Variants in MNAT1 observed in about 807,000 individuals in gnomAD.
MNAT1 encodes CDK-activating kinase assembly factor MAT1.
A neutral mutation model predicts 42.0 loss-of-function variants in MNAT1; 43 were observed. That is an observed-to-expected ratio of 1.02 (90% CI 0.80 to 1.32). MNAT1 has a LOEUF of 1.32. MNAT1 is among the 40% of genes most tolerant of loss of function. MNAT1 has a pLI of 0.00. For synonymous variants in MNAT1, 118 were observed against 120.0 expected (o/e 0.98, Z 0.11); for missense variants, 306 against 350.4 (o/e 0.87, Z 1.01).
intron 6 of MNAT1, among the ~76,000 whole-genome samples, chr14:60,848,128 T>G (rs2033726811): frequency 1.3e-5 from 2 of 152,196 alleles, no homozygotes; most frequent in African/African-American, 4.8e-5. Flanking sequence ...AGTCTTTACC[T>G]GGGAATGTCT....
At chr14:60,765,223 C>T (rs2030766364) in intron 1 of MNAT1, among the ~76,000 whole-genome samples, 1 of 152,082 alleles carries the variant, frequency 6.6e-6, no homozygotes, top group South Asian at 2.1e-4. Context: ...TGCACTCCAG[C>T]TTGGGCAAGT....
intron 7 of MNAT1, among the ~76,000 whole-genome samples, chr14:60,906,895 A>G (rs1198013286): frequency 6.6e-6 from 1 of 152,160 alleles, no homozygotes; most frequent in African/African-American, 2.4e-5. Context: ...TTCTTTAATA[A>G]CATTTTATGT....
intron 1 of MNAT1, among the ~76,000 whole-genome samples, chr14:60,746,979 A>G: frequency 1.1e-5 from 1 of 91,282 alleles, no homozygotes; most frequent in Non-Finnish European, 2.1e-5. Flanking sequence ...CACACACACA[A>G]AATTATGTCT....
chr14:60,887,345 C>T (rs2034701088), intron 7 of MNAT1, among the ~76,000 whole-genome samples: 1 of 149,964 alleles, frequency 6.7e-6, no homozygotes, highest in South Asian at 2.1e-4. Context: ...CCCATTAACT[C>T]GTCATTGAGC....
intron 1 of MNAT1, among the ~76,000 whole-genome samples, chr14:60,753,121 TAACA>T (rs2030171567): frequency 6.6e-6 from 1 of 152,194 alleles, no homozygotes; most frequent in Non-Finnish European, 1.5e-5. Context: ...TGGCTTAAAA[TAACA>T]AACATTTATT....
At chr14:60,794,126 C>T (rs183920446) in intron 1 of MNAT1, among the ~76,000 whole-genome samples, 1 of 152,192 alleles carries the variant, frequency 6.6e-6, no homozygotes, top group Non-Finnish European at 1.5e-5. Context: ...ATTTGTGGCT[C>T]TGTAATTTTG....
intron 7 of MNAT1, among the ~76,000 whole-genome samples, chr14:60,897,262 A>C (rs1373568970): frequency 6.6e-6 from 1 of 152,136 alleles, no homozygotes; most frequent in Admixed American, 6.6e-5. Context: ...TACATGATGA[A>C]ATATTTAAGT....
chr14:60,800,509 CA>C (rs2032168489), intron 3 of MNAT1, among the ~76,000 whole-genome samples: 1 of 152,076 alleles, frequency 6.6e-6, no homozygotes, highest in Non-Finnish European at 1.5e-5. Context: ...CACTGCACTC[CA>C]ACCTAGGCAA....
At chr14:60,863,935 C>G (rs1414133849) in intron 6 of MNAT1, among the ~76,000 whole-genome samples, 1 of 152,002 alleles carries the variant, frequency 6.6e-6, no homozygotes, top group Non-Finnish European at 1.5e-5. Context: ...GTTGAAATAG[C>G]CTTTTTACTA....
chr14:60,846,090 G>A (rs771690090), intron 6 of MNAT1, among the ~76,000 whole-genome samples: 4 of 151,426 alleles, frequency 2.6e-5, no homozygotes, highest in Middle Eastern at 3.4e-3. Context: ...TTCTATCCCC[G>A]TTTCTTTTTC....
intron 6 of MNAT1, among the ~76,000 whole-genome samples, chr14:60,852,997 T>C (rs1318364651): frequency 6.6e-6 from 1 of 152,200 alleles, no homozygotes. Flanking sequence ...CCAGCTTTGT[T>C]CTTTTTGCTT....
In MNAT1 at chr14:60,827,863, C is replaced by T. The variant is rs193128834; in HGVS notation, c.687+9016C>T. Among the ~76,000 whole-genome samples, 409 of 152,128 alleles carry T rather than the reference C, an allele frequency of 2.7e-3. 6 individuals are homozygous for T. The highest frequency in any genetic ancestry group is 1.5e-3 in the East Asian group (8 of 5,184). ...CTTTCTCTTAGCTTTTAAATGTCTCCAGTTATGTTATTTCACTAAAGTTAG... is the reference window on the plus strand; with the variant it reads ...CTTTCTCTTAGCTTTTAAATGTCTCTAGTTATGTTATTTCACTAAAGTTAG... On this transcript the variant is annotated intron_variant, in intron 6 of 7. Coordinates refer to ENST00000261245, the MANE Select transcript of MNAT1 (RefSeq NM_002431.4).
At chr14:60,915,407 G>A (rs1356752853) in intron 7 of MNAT1, among the ~76,000 whole-genome samples, 1 of 152,098 alleles carries the variant, frequency 6.6e-6, no homozygotes, top group East Asian at 1.9e-4. Flanking sequence ...TTTCAGCTGA[G>A]CCACATATTT....
chr14:60,907,993 C>T (rs2035249116), intron 7 of MNAT1, among the ~76,000 whole-genome samples: 1 of 151,928 alleles, frequency 6.6e-6, no homozygotes, highest in Non-Finnish European at 1.5e-5. Flanking sequence ...AAGTATTCTC[C>T]AGGTGACTAT....
chr14:60,832,858 A>G (rs2033265074), intron 6 of MNAT1, among the ~76,000 whole-genome samples: 1 of 152,146 alleles, frequency 6.6e-6, no homozygotes, highest in Admixed American at 6.5e-5. Flanking sequence ...TTCCTTGAGC[A>G]GTGATTTGTA....
At chr14:60,866,893 T>C (rs1227219009) in intron 6 of MNAT1, among the ~76,000 whole-genome samples, 2 of 152,060 alleles carry the variant, frequency 1.3e-5, no homozygotes, top group Non-Finnish European at 2.9e-5. Flanking sequence ...TAAGGAAAAA[T>C]TTATATTGAT....
rs568290307 is a variant in MNAT1 at position 60,766,695 on chromosome 14, C to G, written c.90-29522C>G. 5.3e-5 allele frequency among the ~76,000 whole-genome samples: 8 copies of G among 152,222 alleles called. No individual in the cohort carries two copies. The East Asian group carries it at 1.5e-3, about 29-fold the overall frequency. On this transcript the variant is annotated intron_variant, in intron 1 of 7. Coordinates refer to ENST00000261245, the MANE Select transcript of MNAT1 (RefSeq NM_002431.4). ...ACTGCACTCCAGCCTGGCGACAGAG[C>G]AAGACTCCGTCTCAAAAAAAACAAA...
intron 1 of MNAT1, among the ~76,000 whole-genome samples, chr14:60,749,348 T>A (rs2029970139): frequency 6.6e-6 from 1 of 152,218 alleles, no homozygotes; most frequent in African/African-American, 2.4e-5. Flanking sequence ...TAGTAGTTCA[T>A]TAGTTTCCTT....
In MNAT1 at chr14:60,734,854, G is replaced by A; in HGVS notation, c.-9G>A. The A allele has an allele frequency of 5.6e-6, 9 of 1,614,002 alleles. No homozygotes were observed. The highest frequency in any genetic ancestry group is 1.7e-4 in the Middle Eastern group (1 of 6,060). The stretch of plus-strand genomic sequence containing the variant: ...GGCGCCTGCGAGAGTCTGTAGGAGG[G>A]AAACCGCCATGGACGATCAGGGTTG... On this transcript the variant is annotated 5_prime_UTR_variant, in exon 1 of 8. Coordinates refer to ENST00000261245, the MANE Select transcript of MNAT1 (RefSeq NM_002431.4). The surrounding 1 kb of genome is among the most constrained non-coding windows in gnomAD (Gnocchi z 4.3).
Sources: gnomAD v4.1 joint callset for allele counts (sites outside exome capture counted in the v4.1 genomes callset) on GRCh38, gnomAD v4.1.1 for gene constraint, Gnocchi (gnomAD v3.1) non-coding constraint, MANE v1.5 for transcripts, NCBI Gene and HGNC (gene_info 2026-07-23, HGNC 2026-07-21) for gene names.